MARCHF3: variants seen among roughly 807,000 people sequenced by gnomAD.
MARCHF3 encodes membrane associated ring-CH-type finger 3, also known as E3 ubiquitin-protein ligase MARCHF3.
MARCHF3 carries 13 observed loss-of-function variants against 24.2 expected under a neutral mutation model. That is an observed-to-expected ratio of 0.54 (90% CI 0.35 to 0.85). The LOEUF (loss-of-function observed/expected upper bound fraction) is 0.85. Ranked by LOEUF, MARCHF3 falls within the 40% of genes least tolerant of loss-of-function variation. MARCHF3 has a pLI of 0.01. For missense variants in MARCHF3, 276 were observed against 325.0 expected, an observed-to-expected ratio of 0.85 and a Z score of 1.16; for synonymous variants, 144 against 137.3, an observed-to-expected ratio of 1.05 and a Z score of -0.34.
At chr5:127,018,168 T>C (rs1326258331) in intron 1 of MARCHF3, among the ~76,000 whole-genome samples, 2 of 152,012 alleles carry the variant, frequency 1.3e-5, no homozygotes, top group Non-Finnish European at 2.9e-5. Context: ...GTCAGGAGTA[T>C]AAGACCAGCC....
intron 1 of MARCHF3, among the ~76,000 whole-genome samples, chr5:127,023,730 CAAAA>C (rs879646767): frequency 2.2e-3 from 270 of 120,852 alleles, no homozygotes; most frequent in African/African-American, 7.8e-3. Flanking sequence ...GATTCTGTCT[CAAAA>C]AATAAATAAA....
rs750262766 is a variant in MARCHF3 at position 126,954,199 on chromosome 5, ATTTTTTT to A, written c.-56-35979_-56-35973del. Among the ~76,000 whole-genome samples, 118 of 114,068 alleles carry A rather than the reference ATTTTTTT, an allele frequency of 1.0e-3. 1 individual carries two copies. In the East Asian group the frequency reaches 0.017, roughly 17 times the overall value. The allele number at this position is 114,068 out of a possible 152,430, so 74.8% of individuals were successfully genotyped here. Reference sequence around the variant, plus strand: ...AGGCGCCTGCCAACACGCCCGGCTAATTTTTTTTTTTTTTTTTTTTTTTGTATTTTCA... The same window carrying A: ...AGGCGCCTGCCAACACGCCCGGCTAATTTTTTTTTTTTTTTTGTATTTTCA... On this transcript the variant is annotated intron_variant, in intron 1 of 4. Transcript: ENST00000308660.
At chr5:126,882,470 A>G (rs1328013097) in intron 3 of MARCHF3, among the ~76,000 whole-genome samples, 3 of 152,196 alleles carry the variant, frequency 2.0e-5, no homozygotes, top group Non-Finnish European at 4.4e-5. Context: ...TTGTGACCTA[A>G]TTCATAATAG....
intron 1 of MARCHF3, among the ~76,000 whole-genome samples, chr5:126,931,301 C>G: frequency 6.6e-6 from 1 of 152,128 alleles, no homozygotes; most frequent in Non-Finnish European, 1.5e-5. Context: ...AATGAACCAG[C>G]AGGAAACAGC....
intron 3 of MARCHF3, among the ~76,000 whole-genome samples, chr5:126,902,015 T>C (rs947449548): frequency 6.6e-6 from 1 of 152,140 alleles, no homozygotes; most frequent in Non-Finnish European, 1.5e-5. Context: ...ACTCCATAGC[T>C]GTCAACATTT....
intron 1 of MARCHF3, among the ~76,000 whole-genome samples, chr5:127,008,188 T>G (rs1000754402): frequency 6.6e-6 from 1 of 152,232 alleles, no homozygotes; most frequent in Non-Finnish European, 1.5e-5. Context: ...AACTCCACTC[T>G]GGAAACCTTG....
intron 2 of MARCHF3, 120 bp from the exon 3 acceptor site, chr5:126,915,254 A>T: frequency 1.1e-6 from 1 of 912,498 alleles, no homozygotes; most frequent in Non-Finnish European, 1.7e-6. Context: ...GACCTCTTAG[A>T]TCTACACTTG....
At chr5:127,027,696 T>A (rs1189330794) in intron 1 of MARCHF3, among the ~76,000 whole-genome samples, 1 of 152,248 alleles carries the variant, frequency 6.6e-6, no homozygotes, top group Non-Finnish European at 1.5e-5. Context: ...GGGTCCATTG[T>A]TGAAGACAGA....
chr5:126,961,581 C>A (rs891572651), intron 1 of MARCHF3, among the ~76,000 whole-genome samples: 1 of 152,098 alleles, frequency 6.6e-6, no homozygotes, highest in Non-Finnish European at 1.5e-5. Flanking sequence ...GAATTTATTT[C>A]ATTAGTCAGA....
At chr5:126,943,229 G>A (rs1749891289) in intron 1 of MARCHF3, among the ~76,000 whole-genome samples, 1 of 152,196 alleles carries the variant, frequency 6.6e-6, no homozygotes, top group Non-Finnish European at 1.5e-5. Flanking sequence ...AGGAGGTAGA[G>A]GTTGCAGTGA....
At chr5:126,982,531 G>A (rs1280741191) in intron 1 of MARCHF3, among the ~76,000 whole-genome samples, 1 of 152,174 alleles carries the variant, frequency 6.6e-6, no homozygotes, top group Non-Finnish European at 1.5e-5. Context: ...TCTGCAGAGA[G>A]TCTGACTTAA....
chr5:126,960,293 CAT>C (rs1333416556), intron 1 of MARCHF3, among the ~76,000 whole-genome samples: 1 of 152,136 alleles, frequency 6.6e-6, no homozygotes, highest in Non-Finnish European at 1.5e-5. Flanking sequence ...TCAGTTGACA[CAT>C]GATTTACTAA....
At position 126,870,705 on chromosome 5, in the gene MARCHF3, A is replaced by C. The variant is rs1357982270; in HGVS notation, c.690T>G (p.Asn230Lys). ...RVILLIPKSV[N>K]VPSNQPSLLG... ...GCAAGGACGGCTGGTTAGAAGGTAC[A>C]TTGACAGACTTTGGAATGAGGAGAA... Residue 230 changes from asparagine (N) to lysine (K), a missense_variant, in exon 5 of 5, where the codon AAT (asparagine) becomes AAG (lysine). Coordinates refer to ENST00000308660, the MANE Select transcript of MARCHF3 (RefSeq NM_178450.5). 1 of 1,614,098 alleles carries C rather than the reference A, an allele frequency of 6.2e-7. No individual in the cohort carries two copies. The highest frequency in any genetic ancestry group is 1.7e-5 in the Admixed American group (1 of 60,006).
chr5:127,021,204 C>G lies in MARCHF3; in HGVS notation c.-57+9146G>C, dbSNP rs578208002. ...AAATATCCATTTAATACCCACCCCCCACCAACACACACACTATGGAGGAAA... is the reference window on the plus strand; with the variant it reads ...AAATATCCATTTAATACCCACCCCCGACCAACACACACACTATGGAGGAAA... On this transcript the variant is annotated intron_variant, in intron 1 of 4. Coordinates refer to ENST00000308660, the MANE Select transcript of MARCHF3 (RefSeq NM_178450.5). Among the ~76,000 whole-genome samples, 26 of 152,210 alleles carry G rather than the reference C, an allele frequency of 1.7e-4. No individual in the cohort carries two copies. The East Asian group carries it at 4.8e-3, about 28-fold the overall frequency.
chr5:126,957,471 A>C (rs1367829304), intron 1 of MARCHF3, among the ~76,000 whole-genome samples: 1 of 152,114 alleles, frequency 6.6e-6, no homozygotes, highest in Non-Finnish European at 1.5e-5. Flanking sequence ...TAGCTTTATG[A>C]TTTCATAAAA....
At chr5:126,941,140 T>C (rs116766122) in intron 1 of MARCHF3, among the ~76,000 whole-genome samples, 1 of 152,364 alleles carries the variant, frequency 6.6e-6, no homozygotes, top group African/African-American at 2.4e-5. Context: ...GCCTGAGTTA[T>C]CATTTGAACA....
intron 3 of MARCHF3, among the ~76,000 whole-genome samples, chr5:126,908,404 C>G (rs1233558996): frequency 6.6e-6 from 1 of 152,166 alleles, no homozygotes; most frequent in Non-Finnish European, 1.5e-5. Context: ...TGGATAATAT[C>G]CTGCAGAATG....
At position 126,868,102 on chromosome 5, in the gene MARCHF3, A is replaced by T. The variant is rs1260625253; in HGVS notation, c.*2531T>A. 1 of 152,180 alleles carries T rather than the reference A, an allele frequency of 6.6e-6. No individual in the cohort carries two copies. Among genetic ancestry groups the T allele is most frequent in the East Asian group, 1.9e-4 (1 of 5,196 alleles). The allele number at this position is 152,180 out of a possible 1,614,324, so 9.4% of individuals were successfully genotyped here. On this transcript the variant is annotated 3_prime_UTR_variant, in exon 5 of 5. Coordinates refer to ENST00000308660, the MANE Select transcript of MARCHF3 (RefSeq NM_178450.5). ...CATTCTTGATCTTTCAAAAAGAAGC[A>T]CAGGAAGAGGACTAGGCTAGCAAGG...
intron 1 of MARCHF3, among the ~76,000 whole-genome samples, chr5:126,942,798 T>G (rs1749874991): frequency 6.6e-6 from 1 of 152,186 alleles, no homozygotes; most frequent in Non-Finnish European, 1.5e-5. Flanking sequence ...GACATGTGTT[T>G]TGAAACTTTC....
Sources: allele counts gnomAD v4.1 joint callset (sites outside exome capture counted in the v4.1 genomes callset), GRCh38; gene constraint gnomAD v4.1.1; transcripts MANE v1.5; gene names NCBI Gene and HGNC (gene_info 2026-07-23, HGNC 2026-07-21).